SYT2: variants seen among roughly 807,000 people sequenced by gnomAD.
The protein encoded by SYT2 is synaptotagmin-2.
In SYT2, 15 loss-of-function variants were observed where a neutral mutation model predicts 39.9. That is an observed-to-expected ratio of 0.38 (90% CI 0.25 to 0.58). SYT2 has a LOEUF of 0.58. Ranked by LOEUF, SYT2 falls within the 20% of genes least tolerant of loss-of-function variation. SYT2 has a pLI of 0.70. For missense variants in SYT2, 389 were observed against 530.3 expected, an observed-to-expected ratio of 0.73 and a Z score of 2.62; for synonymous variants, 181 against 204.5, an observed-to-expected ratio of 0.89 and a Z score of 0.98.
At position 202,650,238 on chromosome 1, in the gene SYT2, C is replaced by T. The variant is rs1274902863; in HGVS notation, c.-17-44449G>A. The stretch of plus-strand genomic sequence containing the variant: ...ACTCTACCTGAGTGAGCCCCGTGTT[C>T]CAGGTACTCCTGTCCACCTGTGAGC... On this transcript the variant is annotated intron_variant, in intron 1 of 8. Transcript: ENST00000367268. 2.0e-5 allele frequency among the ~76,000 whole-genome samples: 3 copies of T among 152,164 alleles called. No individual in the cohort carries two copies. The East Asian group carries it at 5.8e-4, about 29-fold the overall frequency.
Position 202,700,468 on chromosome 1 carries a change from G to A in SYT2, c.-18+9790C>T, listed in dbSNP as rs188052935. ...CGTTTATTGAGGACCCTCCAAGAGCGTTTTCTTATGTAAGTTAGATCCATC... is the reference window on the plus strand; with the variant it reads ...CGTTTATTGAGGACCCTCCAAGAGCATTTTCTTATGTAAGTTAGATCCATC... On this transcript the variant is annotated intron_variant, in intron 1 of 8. Transcript: ENST00000367268. Among the ~76,000 whole-genome samples the A allele has an allele frequency of 1.2e-3, 180 of 152,236 alleles. 1 individual carries two copies. The East Asian group carries it at 0.014, about 12-fold the overall frequency.
chr1:202,596,919 G>A lies in SYT2; in HGVS notation c.1098C>T (p.Gly366=). Residue 366 remains glycine (G), a synonymous_variant, in exon 9 of 9, where the codon GGC becomes GGT. Transcript: ENST00000367268. ...VVTVLDYDKL[G]KNEAIGKIFV... ...AGATCTTGCCTATGGCTTCGTTCTTGCCCAGCTTGTCATAGTCCAGCACGG... is the reference window on the plus strand; with the variant it reads ...AGATCTTGCCTATGGCTTCGTTCTTACCCAGCTTGTCATAGTCCAGCACGG... The A allele has an allele frequency of 6.2e-7, 1 of 1,614,224 alleles. No individual in the cohort carries two copies. Among genetic ancestry groups the A allele is most frequent in the Non-Finnish European group, 8.5e-7 (1 of 1,180,048 alleles).
At chr1:202,610,142 G>A (rs896044680) in intron 1 of SYT2, among the ~76,000 whole-genome samples, 41 of 152,264 alleles carry the variant, frequency 2.7e-4, no homozygotes, top group Non-Finnish European at 2.2e-4. Context: ...ATTAAATAGG[G>A]AATCGTTTCC....
chr1:202,675,561 T>C (rs1653344939), intron 1 of SYT2, among the ~76,000 whole-genome samples: 1 of 152,128 alleles, frequency 6.6e-6, no homozygotes, highest in African/African-American at 2.4e-5. Context: ...GGCTGGGCTT[T>C]TCTGTTTCTA....
intron 1 of SYT2, among the ~76,000 whole-genome samples, chr1:202,641,761 C>T (rs1277814373): frequency 6.6e-6 from 1 of 152,212 alleles, no homozygotes; most frequent in Non-Finnish European, 1.5e-5. Context: ...GAGCAGACCG[C>T]ATGACCTTGT....
intron 1 of SYT2, among the ~76,000 whole-genome samples, chr1:202,702,078 G>A (rs1037178693): frequency 2.0e-5 from 3 of 152,136 alleles, no homozygotes; most frequent in Non-Finnish European, 4.4e-5. Flanking sequence ...CTACTCCAGG[G>A]GAGGCACGAA....
At chr1:202,643,958 G>C (rs1235229381) in intron 1 of SYT2, among the ~76,000 whole-genome samples, 2 of 152,214 alleles carry the variant, frequency 1.3e-5, no homozygotes, top group African/African-American at 4.8e-5. Context: ...GGAATGGCCT[G>C]CGGGCAGGGG....
intron 1 of SYT2, among the ~76,000 whole-genome samples, chr1:202,658,488 G>A (rs1339850029): frequency 6.6e-6 from 1 of 151,994 alleles, no homozygotes; most frequent in Non-Finnish European, 1.5e-5. Flanking sequence ...GTGGCAGGAT[G>A]GCTGAAGTCC....
intron 1 of SYT2, among the ~76,000 whole-genome samples, chr1:202,694,845 G>T (rs945224468): frequency 6.6e-6 from 1 of 151,558 alleles, no homozygotes; most frequent in Non-Finnish European, 1.5e-5. Flanking sequence ...TAAGTTGACT[G>T]GTTGACAACT....
At chr1:202,702,172 G>A (rs1215899918) in intron 1 of SYT2, among the ~76,000 whole-genome samples, 2 of 152,174 alleles carry the variant, frequency 1.3e-5, no homozygotes, top group Non-Finnish European at 2.9e-5. Context: ...CTACCAGTAG[G>A]AGACCTAATG....
chr1:202,605,538 TTCAC>T lies in SYT2; in HGVS notation c.178+53_178+56del, dbSNP rs1472935429. The T allele has an allele frequency of 4.6e-6, 7 of 1,535,144 alleles. No individual in the cohort carries two copies. The African/African-American group carries it at 9.5e-5, about 21-fold the overall frequency. On this transcript the variant is annotated intron_variant, in intron 2 of 8. Transcript: ENST00000367268. ...CATCCCAGTGGTATCCCCACCCTTC[TTCAC>T]CTCTCCCAGACTCTAGCCTTGCCCC...
chr1:202,632,918 G>A (rs1350871433), intron 1 of SYT2: 1 of 152,160 alleles, frequency 6.6e-6, no homozygotes, highest in African/African-American at 2.4e-5. Context: ...ACCACAGAGG[G>A]GTAAATGCAC....
At chr1:202,625,363 GGT>G (rs766678888) in intron 1 of SYT2, among the ~76,000 whole-genome samples, 4 of 142,058 alleles carry the variant, frequency 2.8e-5, no homozygotes, top group Non-Finnish European at 6.1e-5. Context: ...TGATGTTTGT[GGT>G]GTGTGGTGTG....
intron 1 of SYT2, among the ~76,000 whole-genome samples, chr1:202,619,082 T>A (rs376335907): frequency 6.6e-6 from 1 of 152,132 alleles, no homozygotes; most frequent in African/African-American, 2.4e-5. Context: ...CCAGGACTAT[T>A]TCCCCCACTC....
At chr1:202,631,044 C>T (rs1239041661) in intron 1 of SYT2, among the ~76,000 whole-genome samples, 1 of 152,230 alleles carries the variant, frequency 6.6e-6, no homozygotes, top group Non-Finnish European at 1.5e-5. Context: ...AAGGTCCACA[C>T]ATAGCACATA....
rs1012147406 is a variant in SYT2, at chr1:202,591,243, C to T, written c.*5514G>A. The T allele has an allele frequency of 4.6e-5, 7 of 152,482 alleles. No homozygotes were observed. Among genetic ancestry groups the T allele is most frequent in the South Asian group, 2.1e-4 (1 of 4,834 alleles). 9.4% of individuals were successfully genotyped at this position (152,482 alleles called of 1,614,324 possible). On this transcript the variant is annotated 3_prime_UTR_variant, in exon 9 of 9. Transcript: ENST00000367268. ...TGGTTTGTGCAGGGCAAGCCTGCCT[C>T]GCCACCTCTGGCCTCCTCGAATGCG... is the stretch of plus-strand genomic sequence containing the variant.
At chr1:202,676,540 A>G (rs760947863) in intron 1 of SYT2, among the ~76,000 whole-genome samples, 4 of 152,194 alleles carry the variant, frequency 2.6e-5, no homozygotes, top group African/African-American at 4.8e-5. Context: ...ATTGGCATGA[A>G]TCTTGCATTT....
chr1:202,597,461 G>A (rs2149064459), intron 8 of SYT2, among the ~76,000 whole-genome samples: 1 of 152,252 alleles, frequency 6.6e-6, no homozygotes, highest in Middle Eastern at 3.4e-3. Context: ...GAGGATTCCA[G>A]GAAAACAGAT....
intron 2 of SYT2, chr1:202,605,322 C>T (rs1040199382): frequency 5.8e-5 from 17 of 292,348 alleles, no homozygotes; most frequent in East Asian, 1.7e-4. Flanking sequence ...AATTTTTCAT[C>T]GCCTTTTGGT....
Sources: allele counts gnomAD v4.1 joint callset (sites outside exome capture counted in the v4.1 genomes callset), GRCh38; gene constraint gnomAD v4.1.1; transcripts MANE v1.5; gene names NCBI Gene and HGNC (gene_info 2026-07-23, HGNC 2026-07-21).